Variants in SPSB4 observed in about 807,000 individuals in gnomAD.
SPSB4 encodes the protein splA/ryanodine receptor domain and SOCS box containing 4.
A neutral mutation model predicts 20.9 loss-of-function variants in SPSB4; 21 were observed. The observed-to-expected ratio is 1.01, with a 90% CI of 0.71 to 1.45. SPSB4 has a LOEUF of 1.45. Among genes scored for constraint, SPSB4 ranks in the 40% most tolerant of loss-of-function variants. The pLI is 0.00. For missense variants in SPSB4, 399 were observed against 399.2 expected, an observed-to-expected ratio of 1.00 and a Z score of 0.00; for synonymous variants, 207 against 183.8, an observed-to-expected ratio of 1.13 and a Z score of -1.02.
intron 2 of SPSB4, among the ~76,000 whole-genome samples, chr3:141,084,909 A>G (rs963346510): frequency 3.3e-5 from 5 of 152,250 alleles, no homozygotes; most frequent in Admixed American, 1.3e-4. Flanking sequence ...TGTGCCAGTA[A>G]GTCCGAAAGA....
chr3:141,127,400 T>TTATC (rs972209381), intron 2 of SPSB4, among the ~76,000 whole-genome samples: 7 of 152,166 alleles, frequency 4.6e-5, no homozygotes, highest in Non-Finnish European at 1.0e-4. Flanking sequence ...CCTTTGATAA[T>TTATC]AACAGCAGCT....
At chr3:141,123,434 C>T (rs905400447) in intron 2 of SPSB4, among the ~76,000 whole-genome samples, 4 of 152,196 alleles carry the variant, frequency 2.6e-5, no homozygotes, top group Non-Finnish European at 2.9e-5. Context: ...CTCAATAATG[C>T]CTTGTTTCAT....
intron 2 of SPSB4, among the ~76,000 whole-genome samples, chr3:141,125,437 C>A (rs1284878540): frequency 6.6e-6 from 1 of 152,158 alleles, no homozygotes; most frequent in African/African-American, 2.4e-5. Context: ...CACATCATGG[C>A]AGGGGAAGAA....
rs182260341 is a variant in SPSB4, at chr3:141,125,489, C to T, written c.695-21653C>T. On this transcript the variant is annotated intron_variant, in intron 2 of 2. Coordinates refer to ENST00000310546, the MANE Select transcript of SPSB4 (RefSeq NM_080862.3). Reference sequence around the variant, plus strand: ...CCTGAAGACCAGGACTCCCATGCCTCCTCCTCATAATACCTGGACTCAGGT... The same window carrying T: ...CCTGAAGACCAGGACTCCCATGCCTTCTCCTCATAATACCTGGACTCAGGT... 9.5e-4 allele frequency among the ~76,000 whole-genome samples: 145 copies of T among 152,330 alleles called. 3 individuals are homozygous for T. The highest frequency in any genetic ancestry group is 3.4e-3 in the African/African-American group (142 of 41,560).
At position 141,066,548 on chromosome 3, in the gene SPSB4, C is replaced by T; in HGVS notation, c.444C>T (p.Arg148=). ...GGGGCTGGGACCTGGGCCGCAGCCG[C>T]CTCTACCACGACGGCAAGAACCAGC... The part of the protein sequence containing the change: ...ESWGWDLGRS[R]LYHDGKNQPG... Residue 148 remains arginine (R), a synonymous_variant, in exon 2 of 3, where the codon CGC becomes CGT. Transcript: ENST00000310546. The T allele has an allele frequency of 6.6e-7, 1 of 1,525,368 alleles. No homozygotes were observed. The highest frequency in any genetic ancestry group is 1.8e-4 in the Middle Eastern group (1 of 5,714). The allele number at this position is 1,525,368 out of a possible 1,614,324, so 94.5% of individuals were successfully genotyped here. A position where few individuals can be genotyped will look rare whatever the true frequency, so the allele number is the denominator to read the frequency against.
intron 2 of SPSB4, among the ~76,000 whole-genome samples, chr3:141,093,023 A>C (rs901659532): frequency 3.3e-5 from 5 of 152,074 alleles, no homozygotes; most frequent in Non-Finnish European, 7.4e-5. Flanking sequence ...CCTGCAGTAC[A>C]GGCTTCAGGG....
chr3:141,110,384 G>A (rs1938776032), intron 2 of SPSB4, among the ~76,000 whole-genome samples: 1 of 152,228 alleles, frequency 6.6e-6, no homozygotes, highest in African/African-American at 2.4e-5. Context: ...GGCTGAGAAT[G>A]GGAGAGGGAA....
intron 1 of SPSB4, among the ~76,000 whole-genome samples, chr3:141,052,537 T>G (rs1936112182): frequency 6.6e-6 from 1 of 152,130 alleles, no homozygotes; most frequent in South Asian, 2.1e-4. Flanking sequence ...GTCCGTGTAA[T>G]GGGGACAATA....
At chr3:141,138,037 T>G (rs1939257399) in intron 2 of SPSB4, among the ~76,000 whole-genome samples, 1 of 152,236 alleles carries the variant, frequency 6.6e-6, no homozygotes, top group African/African-American at 2.4e-5. Context: ...ATTCAGAGAT[T>G]CAACTTCTTC....
chr3:141,077,144 A>G (rs1938129879), intron 2 of SPSB4: 1 of 152,214 alleles, frequency 6.6e-6, no homozygotes, highest in South Asian at 2.1e-4. Context: ...ATTCAAGCAA[A>G]GGCTGTGCCG....
At position 141,066,431 on chromosome 3, in the gene SPSB4, C is replaced by G; in HGVS notation, c.327C>G (p.Arg109=). ...AGATCAACTGGCCGGCTCGGCAGCG[C>G]GGCACCCACGCTGTAGTTGGTGTGG... is the stretch of plus-strand genomic sequence containing the variant. ...AWQINWPARQ[R]GTHAVVGVAT... is the part of the protein sequence containing the mutation. The change falls in exon 2 of 3, where the codon CGC becomes CGG. Residue 109 remains arginine (R), a synonymous_variant. Transcript: ENST00000310546. The G allele has an allele frequency of 6.6e-7, 1 of 1,510,978 alleles. No homozygotes were observed. The highest frequency in any genetic ancestry group is 8.8e-7 in the Non-Finnish European group (1 of 1,130,928). The allele number at this position is 1,510,978 out of a possible 1,614,324, so 93.6% of individuals were successfully genotyped here. A position where few individuals can be genotyped will look rare whatever the true frequency, so the allele number is the denominator to read the frequency against.
At chr3:141,127,296 G>C (rs1443805377) in intron 2 of SPSB4, among the ~76,000 whole-genome samples, 1 of 152,238 alleles carries the variant, frequency 6.6e-6, no homozygotes, top group Non-Finnish European at 1.5e-5. Flanking sequence ...CAGGTCTCCA[G>C]ACCCCTTGTT....
intron 1 of SPSB4, among the ~76,000 whole-genome samples, chr3:141,054,140 T>A (rs1466443125): frequency 6.6e-6 from 1 of 152,234 alleles, no homozygotes; most frequent in Non-Finnish European, 1.5e-5. Context: ...CTTGCCCTTT[T>A]GGGGAAAGAC....
intron 2 of SPSB4, among the ~76,000 whole-genome samples, chr3:141,118,341 G>GT (rs1300116009): frequency 1.3e-5 from 2 of 152,064 alleles, no homozygotes; most frequent in South Asian, 4.2e-4. Context: ...TGATGGGGTT[G>GT]TTTTTTTCAT....
chr3:141,138,001 T>C (rs1416402960), intron 2 of SPSB4, among the ~76,000 whole-genome samples: 1 of 152,200 alleles, frequency 6.6e-6, no homozygotes. Context: ...AATTATTGCC[T>C]CAATTTCAGA....
At chr3:141,128,080 C>T (rs370964128) in intron 2 of SPSB4, among the ~76,000 whole-genome samples, 9 of 152,150 alleles carry the variant, frequency 5.9e-5, no homozygotes, top group Admixed American at 3.9e-4. Context: ...TCTGAAGAGA[C>T]GGCCCTGCGG....
chr3:141,077,703 C>A (rs1426730449), intron 2 of SPSB4: 1 of 152,252 alleles, frequency 6.6e-6, no homozygotes, highest in Non-Finnish European at 1.5e-5. Flanking sequence ...GAGGGGTCAC[C>A]CTTCTGGAGT....
At chr3:141,129,093 T>C (rs889771173) in intron 2 of SPSB4, among the ~76,000 whole-genome samples, 3 of 152,166 alleles carry the variant, frequency 2.0e-5, no homozygotes, top group Non-Finnish European at 4.4e-5. Flanking sequence ...GGTGAAAATA[T>C]TTTGCCAGAC....
intron 2 of SPSB4, 106 bp downstream of exon 2, chr3:141,066,904 G>A: frequency 1.7e-6 from 2 of 1,191,582 alleles, no homozygotes; most frequent in South Asian, 2.2e-5. Flanking sequence ...CTGCAATGTG[G>A]AGGAATGGTC....
Sources: allele counts gnomAD v4.1 joint callset (sites outside exome capture counted in the v4.1 genomes callset), GRCh38; gene constraint gnomAD v4.1.1; transcripts MANE v1.5; gene names NCBI Gene and HGNC (gene_info 2026-07-23, HGNC 2026-07-21).